The following FGD1 variants were observed in gnomAD, a reference collection of about 807,000 sequenced individuals.
The protein encoded by FGD1 is FYVE, RhoGEF and PH domain containing 1.
In FGD1, 12 loss-of-function variants were observed where a neutral mutation model predicts 65.0. That is an observed-to-expected ratio of 0.18 (90% CI 0.12 to 0.30). The LOEUF is 0.30. FGD1 is among the 10% of genes least tolerant of loss of function. FGD1 has a pLI of 1.00. For synonymous variants in FGD1, 333 were observed against 343.9 expected, an observed-to-expected ratio of 0.97 and a Z score of 0.35; for missense variants, 542 against 837.6, an observed-to-expected ratio of 0.65 and a Z score of 4.36.
intron 8 of FGD1, among the ~76,000 whole-genome samples, chrX:54,465,124 G>A (rs1458687363): frequency 2.8e-5 from 3 of 107,381 alleles, no homozygotes; most frequent in African/African-American, 1.0e-4. Flanking sequence ...TAATGGGCAT[G>A]CCACTCAAAC....
intron 1 of FGD1, among the ~76,000 whole-genome samples, chrX:54,479,719 G>A (rs1228252538): frequency 1.0e-5 from 1 of 95,762 alleles, no homozygotes; most frequent in African/African-American, 4.0e-5. Flanking sequence ...AAGAACAGCA[G>A]AAAGGAAAGT....
chrX:54,450,388 CAGAA>C, intron 12 of FGD1, 87 bp from the exon 13 acceptor site: 1 of 911,208 alleles, frequency 1.1e-6, no homozygotes, highest in East Asian at 3.1e-5. Context: ...GTTTTGGAGT[CAGAA>C]AGACCTGGGC....
At chrX:54,488,576 C>T (rs761500083) in intron 1 of FGD1, among the ~76,000 whole-genome samples, 1 of 111,372 alleles carries the variant, frequency 9.0e-6, no homozygotes, top group Admixed American at 9.6e-5. Context: ...CAGAGCGAGA[C>T]TCCATCTCAA....
In FGD1 at chrX:54,450,313, GA is replaced by G; in HGVS notation, c.2016-13del. ...TCTCCTCCTCAGTCCTTGGGGTGGG[GA>G]ATAAAAAAGAAAGATGTTTGGTTAG... On this transcript the variant is annotated splice_polypyrimidine_tract_variant and intron_variant, in intron 12 of 17. Coordinates refer to ENST00000375135, the MANE Select transcript of FGD1 (RefSeq NM_004463.3). 1 of 1,207,206 alleles carries G rather than the reference GA, an allele frequency of 8.3e-7. No individual in the cohort carries two copies. Among genetic ancestry groups the G allele is most frequent in the Non-Finnish European group, 1.1e-6 (1 of 891,998 alleles).
Position 54,457,203 on chromosome X carries a change from G to A in FGD1, c.1637-636C>T, listed in dbSNP as rs144916528. On this transcript the variant is annotated intron_variant, in intron 8 of 17. Coordinates refer to ENST00000375135, the MANE Select transcript of FGD1 (RefSeq NM_004463.3). The stretch of plus-strand genomic sequence containing the variant: ...CATGTTGTCTCTGGTTGGTGGGGCC[G>A]TGGGTGGTTTTTATTGTCTTCTTTA... 7.7e-4 allele frequency among the ~76,000 whole-genome samples: 86 copies of A among 111,522 alleles called. 1 individual carries two copies. The East Asian group carries it at 0.019, about 25-fold the overall frequency.
chrX:54,490,647 G>A (rs955541766), intron 1 of FGD1, among the ~76,000 whole-genome samples: 5 of 111,225 alleles, frequency 4.5e-5, no homozygotes, highest in African/African-American at 1.6e-4. Context: ...TCACCTGCAT[G>A]TACCCCCAGG....
At chrX:54,489,702 C>A (rs1923374183) in intron 1 of FGD1, among the ~76,000 whole-genome samples, 1 of 112,043 alleles carries the variant, frequency 8.9e-6, no homozygotes, top group South Asian at 3.7e-4. Context: ...TGCCAGGTTG[C>A]AGAGAAAAGG....
rs371740120 is a variant in FGD1 at position 54,495,165 on chromosome X, G to T, written c.268C>A (p.Arg90Ser). 2 of 1,185,693 alleles carry T rather than the reference G, an allele frequency of 1.7e-6. No individual in the cohort carries two copies. The highest frequency in any genetic ancestry group is 2.4e-5 in the Admixed American group (1 of 41,929). The change falls in exon 1 of 18, where the codon CGC (arginine) becomes AGC (serine). Residue 90 changes from arginine (R) to serine (S), a missense_variant. Arg to Ser is a moderately radical substitution (Grantham distance 110, BLOSUM62 -1). Coordinates refer to ENST00000375135, the MANE Select transcript of FGD1 (RefSeq NM_004463.3). ...GAGCCCTCCAGGTGGTAAGAGAAGC[G>T]CAGGGCCCGGTGGTGCTGTGGACTG... ...GPSPQHHRAL[R>S]FSYHLEGSQP...
At chrX:54,480,016 C>T (rs1287088330) in intron 1 of FGD1, among the ~76,000 whole-genome samples, 1 of 112,139 alleles carries the variant, frequency 8.9e-6, no homozygotes, top group Admixed American at 9.4e-5. Flanking sequence ...TCCCTGAAGT[C>T]GACTATTCTT....
intron 5 of FGD1, 33 bp from the exon 6 acceptor site, chrX:54,467,965 TG>T (rs1388037712): frequency 8.6e-7 from 1 of 1,160,226 alleles, no homozygotes; most frequent in Non-Finnish European, 1.2e-6. Context: ...TCAGCCCAGC[TG>T]GGCCTGGGGC....
chrX:54,489,269 C>A (rs917240114), intron 1 of FGD1, among the ~76,000 whole-genome samples: 1 of 112,569 alleles, frequency 8.9e-6, no homozygotes, highest in Non-Finnish European at 1.9e-5. Context: ...TACATGTGGC[C>A]GATAAGCATA....
Position 54,456,223 on chromosome X carries a change from T to C in FGD1, c.1839A>G (p.Ile613Met). The C allele has an allele frequency of 8.3e-7, 1 of 1,211,197 alleles. No individual in the cohort carries two copies. The highest frequency in any genetic ancestry group is 1.1e-6 in the Non-Finnish European group (1 of 895,305). Residue 613 changes from isoleucine (I) to methionine (M), a missense_variant, in exon 10 of 18, where the codon ATA (isoleucine) becomes ATG (methionine). Ile to Met is a conservative substitution (Grantham distance 10). Coordinates refer to ENST00000375135, the MANE Select transcript of FGD1 (RefSeq NM_004463.3). ...KNGTTQDRYL[I>M]LFNDRLLYCV... is the part of the protein sequence containing the mutation. ...CAATTCCATGCCTGGCACTTACTAG[T>C]ATGAGGTATCGGTCTTGAGTGGTCC...
At chrX:54,462,638 C>T (rs887323422) in intron 8 of FGD1, among the ~76,000 whole-genome samples, 4 of 108,946 alleles carry the variant, frequency 3.7e-5, no homozygotes, top group African/African-American at 6.7e-5. Context: ...GTGATCTGCC[C>T]GCCTCAGCCT....
At chrX:54,491,622 C>T (rs766770327) in intron 1 of FGD1, among the ~76,000 whole-genome samples, 9 of 112,238 alleles carry the variant, frequency 8.0e-5, no homozygotes, top group Non-Finnish European at 1.3e-4. Flanking sequence ...ATCTGGAAAA[C>T]GGACTTAACT....
At chrX:54,451,362 G>T (rs750261516) in intron 12 of FGD1, among the ~76,000 whole-genome samples, 7 of 107,323 alleles carry the variant, frequency 6.5e-5, no homozygotes, top group African/African-American at 2.4e-4. Flanking sequence ...TCAGCTTACT[G>T]CAACCTCCGC....
chrX:54,463,629 C>T, intron 8 of FGD1, among the ~76,000 whole-genome samples: 1 of 111,483 alleles, frequency 9.0e-6, no homozygotes, highest in East Asian at 2.8e-4. Context: ...CTCCTCTCTC[C>T]AACCTCATTT....
At position 54,471,450 on chromosome X, in the gene FGD1, C is replaced by G; in HGVS notation, c.345G>C (p.Leu115Phe). Residue 115 changes from leucine to phenylalanine, a missense_variant, in exon 2 of 18, where the codon TTG (leucine) becomes TTC (phenylalanine). Transcript: ENST00000375135. ...CTAGGCTTTGGCCAGGGTCAAGGGA[C>G]AAACTTTTAACCAGGATCCGGTTTC... ...HQGNRILVKS[L>F]SLDPGQSLEP... The G allele has an allele frequency of 1.7e-6, 2 of 1,211,640 alleles. No homozygotes were observed. The highest frequency in any genetic ancestry group is 2.2e-6 in the Non-Finnish European group (2 of 895,508).
intron 1 of FGD1, among the ~76,000 whole-genome samples, chrX:54,478,054 G>A (rs1321595789): frequency 1.8e-5 from 2 of 111,151 alleles, no homozygotes; most frequent in African/African-American, 6.6e-5. Flanking sequence ...GGAGGCGGAG[G>A]CTGCAGTGGG....
intron 1 of FGD1, among the ~76,000 whole-genome samples, chrX:54,480,059 C>T (rs1455501770): frequency 8.9e-6 from 1 of 112,764 alleles, no homozygotes; most frequent in African/African-American, 3.2e-5. Context: ...AAAATGGAGG[C>T]ACTTTCTATA....
Sources: allele counts gnomAD v4.1 joint callset (sites outside exome capture counted in the v4.1 genomes callset), GRCh38; gene constraint gnomAD v4.1.1; transcripts MANE v1.5; gene names NCBI Gene and HGNC (gene_info 2026-07-23, HGNC 2026-07-21).